Variants in UCHL3 observed in about 807,000 individuals in gnomAD.
The protein encoded by UCHL3 is ubiquitin carboxyl-terminal hydrolase isozyme L3.
Under a neutral mutation model 35.8 loss-of-function variants are expected in UCHL3, and 22 were observed. The ratio of observed to expected loss-of-function variants is 0.61; its 90% CI spans 0.44 to 0.88. The LOEUF (loss-of-function observed/expected upper bound fraction) is 0.88. Ranked by LOEUF, UCHL3 falls within the 40% of genes least tolerant of loss-of-function variation. The pLI, the probability that UCHL3 is intolerant of heterozygous loss-of-function variation, is 0.00. For missense variants in UCHL3, 229 were observed against 276.9 expected (o/e 0.83, Z 1.23); for synonymous variants, 90 against 92.8 (o/e 0.97, Z 0.17).
At position 75,604,827 on chromosome 13, in the gene UCHL3, G is replaced by A; in HGVS notation, c.609G>A (p.Glu203=). ...AAACTAGTGATGAAACTTTATTAGA[G>A]GTAACAGTAACACTTGTTGGCCCAT... is the stretch of plus-strand genomic sequence containing the variant. ...HGETSDETLL[E]DAIEVCKKFM... Residue 203 remains glutamate (E), a splice_region_variant and synonymous_variant, in exon 8 of 9, where the codon GAG becomes GAA. Transcript: ENST00000377595. 2 of 1,594,298 alleles carry A rather than the reference G, an allele frequency of 1.3e-6. No homozygotes were observed. Among genetic ancestry groups the A allele is most frequent in the Non-Finnish European group, 1.7e-6 (2 of 1,170,492 alleles).
At chr13:75,601,768 A>G (rs1443199722) in intron 7 of UCHL3, among the ~76,000 whole-genome samples, 2 of 152,112 alleles carry the variant, frequency 1.3e-5, no homozygotes, top group Non-Finnish European at 1.5e-5. Context: ...TAGAAGTTTT[A>G]ATTTCTGTAT....
intron 6 of UCHL3, among the ~76,000 whole-genome samples, chr13:75,582,477 C>T (rs563502095): frequency 1.3e-5 from 2 of 152,284 alleles, no homozygotes; most frequent in South Asian, 4.1e-4. Flanking sequence ...TGTTAATGTC[C>T]TGGCAAACAT....
At chr13:75,592,425 T>TATATGTATATACATATATACATAC (rs1172818362) in intron 6 of UCHL3, among the ~76,000 whole-genome samples, 1 of 63,450 alleles carries the variant, frequency 1.6e-5, no homozygotes, top group African/African-American at 6.2e-5. Flanking sequence ...CATATATATA[T>TATATGTATATACATATATACATAC]ATATATATAT....
chr13:75,586,638 T>G (rs76781174), intron 6 of UCHL3, among the ~76,000 whole-genome samples: 128 of 152,116 alleles, frequency 8.4e-4, no homozygotes, highest in African/African-American at 3.0e-3. Context: ...AAATCAACCT[T>G]AAATTTTTTT....
At chr13:75,598,694 G>A (rs1484911972) in intron 7 of UCHL3, among the ~76,000 whole-genome samples, 1 of 152,146 alleles carries the variant, frequency 6.6e-6, no homozygotes, top group Admixed American at 6.5e-5. Flanking sequence ...CATATCGAGA[G>A]GCACATGATG....
intron 7 of UCHL3, among the ~76,000 whole-genome samples, chr13:75,595,571 G>A (rs923725963): frequency 7.9e-6 from 1 of 126,174 alleles, no homozygotes; most frequent in Non-Finnish European, 1.6e-5. Flanking sequence ...TACTCCAGCC[G>A]GGGCAACAGG....
At chr13:75,576,927 T>A (rs2032041451) in intron 6 of UCHL3, among the ~76,000 whole-genome samples, 1 of 152,166 alleles carries the variant, frequency 6.6e-6, no homozygotes, top group South Asian at 2.1e-4. Flanking sequence ...GGTGGGTTCC[T>A]TACTTGTGGA....
At chr13:75,581,284 T>G (rs895067868) in intron 6 of UCHL3, among the ~76,000 whole-genome samples, 47 of 152,242 alleles carry the variant, frequency 3.1e-4, no homozygotes, top group African/African-American at 1.1e-3. Context: ...TACTTTATTT[T>G]AGAATTTTAA....
upstream of UCHL3, chr13:75,549,694 T>G: frequency 1.8e-6 from 2 of 1,107,368 alleles, no homozygotes; most frequent in Non-Finnish European, 2.5e-6. Context: ...CAAACTCTTT[T>G]TGGTGTTTAG....
At chr13:75,561,839 G>GTA (rs1490473301) in intron 3 of UCHL3, among the ~76,000 whole-genome samples, 1 of 85,828 alleles carries the variant, frequency 1.2e-5, no homozygotes, top group African/African-American at 3.5e-5. Context: ...ACGTATATAC[G>GTA]TATACGTATA....
At chr13:75,553,116 A>G (rs2031169997) in intron 2 of UCHL3, among the ~76,000 whole-genome samples, 1 of 152,252 alleles carries the variant, frequency 6.6e-6, no homozygotes, top group South Asian at 2.1e-4. Flanking sequence ...TTAAATAATC[A>G]CAATAAATAA....
intron 6 of UCHL3, among the ~76,000 whole-genome samples, chr13:75,592,453 T>TGTATATAC (rs1186644424): frequency 6.9e-5 from 7 of 102,184 alleles, no homozygotes; most frequent in African/African-American, 1.6e-4. Context: ...TATATATATA[T>TGTATATAC]ATATATATAT....
chr13:75,578,787 G>A (rs2032099031), intron 6 of UCHL3, among the ~76,000 whole-genome samples: 1 of 151,874 alleles, frequency 6.6e-6, no homozygotes, highest in South Asian at 2.1e-4. Context: ...TGACCACTGG[G>A]GTAAACAGTG....
At chr13:75,592,456 A>ATGTATATACG (rs2032532596) in intron 6 of UCHL3, among the ~76,000 whole-genome samples, 3 of 119,066 alleles carry the variant, frequency 2.5e-5, no homozygotes, top group African/African-American at 9.3e-5. Context: ...ATATATATAT[A>ATGTATATACG]TATATATATA....
At chr13:75,563,589 T>C (rs1300738490) in intron 3 of UCHL3, among the ~76,000 whole-genome samples, 1 of 152,222 alleles carries the variant, frequency 6.6e-6, no homozygotes, top group East Asian at 1.9e-4. Context: ...AGCAGATTAA[T>C]ATATCTATCA....
intron 7 of UCHL3, among the ~76,000 whole-genome samples, chr13:75,599,609 C>T (rs2032727841): frequency 3.9e-5 from 6 of 152,066 alleles, no homozygotes; most frequent in African/African-American, 2.4e-5. Context: ...GATATTACTA[C>T]CGTAATTGTT....
intron 6 of UCHL3, among the ~76,000 whole-genome samples, chr13:75,577,786 C>T (rs2032067701): frequency 6.6e-6 from 1 of 152,096 alleles, no homozygotes; most frequent in Non-Finnish European, 1.5e-5. Flanking sequence ...AAAGAAAAAT[C>T]CAAAAGGGTA....
chr13:75,586,413 A>G (rs749159467), intron 6 of UCHL3, among the ~76,000 whole-genome samples: 1 of 151,758 alleles, frequency 6.6e-6, no homozygotes, highest in Non-Finnish European at 1.5e-5. Flanking sequence ...GAAATAGACA[A>G]ATTCACAATT....
At chr13:75,586,041 C>A (rs552382304) in intron 6 of UCHL3, among the ~76,000 whole-genome samples, 1 of 152,106 alleles carries the variant, frequency 6.6e-6, no homozygotes, top group South Asian at 2.1e-4. Context: ...AGTATAAAGA[C>A]TCAAATGTCT....
Sources: gnomAD v4.1 joint callset for allele counts (sites outside exome capture counted in the v4.1 genomes callset) on GRCh38, gnomAD v4.1.1 for gene constraint, MANE v1.5 for transcripts, NCBI Gene and HGNC (gene_info 2026-07-23, HGNC 2026-07-21) for gene names.